Variants in PDZD2 observed in about 807,000 individuals in gnomAD.
PDZD2 encodes the protein PDZ domain-containing protein 2.
A neutral mutation model predicts 220.7 loss-of-function variants in PDZD2; 90 were observed. The observed-to-expected ratio is 0.41, with a 90% CI of 0.34 to 0.49. The LOEUF is 0.49. Among genes scored for constraint, PDZD2 ranks in the 20% least tolerant of loss-of-function variants. The pLI, the probability that PDZD2 is intolerant of heterozygous loss-of-function variation, is 0.28. For missense variants in PDZD2, 3,174 were observed against 3,608.5 expected (o/e 0.88, Z 3.08); for synonymous variants, 1,375 against 1,450.5 (o/e 0.95, Z 1.18).
chr5:31,986,571 A>C (rs1750738109), intron 3 of PDZD2, among the ~76,000 whole-genome samples: 2 of 149,306 alleles, frequency 1.3e-5, no homozygotes, highest in South Asian at 4.4e-4. Flanking sequence ...TTTTATTTTT[A>C]GTCCAGGACA....
At position 32,074,012 on chromosome 5, in the gene PDZD2, A is replaced by G; in HGVS notation, c.2906A>G (p.Asp969Gly). The G allele has an allele frequency of 6.2e-7, 1 of 1,614,172 alleles. No homozygotes were observed. Among genetic ancestry groups the G allele is most frequent in the African/African-American group, 1.3e-5 (1 of 75,050 alleles). Residue 969 changes from aspartate (D) to glycine (G), a missense_variant, in exon 18 of 25, where the codon GAT becomes GGT. Coordinates refer to ENST00000438447, the MANE Select transcript of PDZD2 (RefSeq NM_178140.4). ...QRKVGCYDANDASDEEEFDRE... is the reference protein window; with the variant it reads ...QRKVGCYDANGASDEEEFDRE... ...AAGGTAGGCTGCTACGATGCCAACG[A>G]TGCCAGTGATGAGGAAGAGTTTGAC...
chr5:31,683,207 TAAAA>T (rs35467814), intron 1 of PDZD2, among the ~76,000 whole-genome samples: 12 of 129,036 alleles, frequency 9.3e-5, no homozygotes, highest in Non-Finnish European at 1.4e-4. Context: ...ATCAGAATGT[TAAAA>T]AAAAAAAAAA....
chr5:31,904,595 T>C (rs1742457601), intron 2 of PDZD2, among the ~76,000 whole-genome samples: 1 of 152,186 alleles, frequency 6.6e-6, no homozygotes, highest in Non-Finnish European at 1.5e-5. Flanking sequence ...TGGCACGATC[T>C]CGGCTCACTG....
At chr5:31,765,455 ACTT>A (rs1455208381) in intron 1 of PDZD2, among the ~76,000 whole-genome samples, 3 of 152,030 alleles carry the variant, frequency 2.0e-5, no homozygotes, top group African/African-American at 4.8e-5. Flanking sequence ...AACTTCTAAA[ACTT>A]CTAATGAAGA....
rs540742489 is a variant in PDZD2 at position 31,942,102 on chromosome 5, G to A, written c.477-41053G>A. ...TGATATAGCACTGATTTTTAAAATC[G>A]TTTTTACTCTGTGATTTACTATGAT... On this transcript the variant is annotated intron_variant, in intron 2 of 24. Coordinates refer to ENST00000438447, the MANE Select transcript of PDZD2 (RefSeq NM_178140.4). Among the ~76,000 whole-genome samples the A allele has an allele frequency of 1.8e-4, 27 of 152,266 alleles. No homozygotes were observed. In the South Asian group the frequency reaches 3.5e-3, roughly 20 times the overall value.
chr5:31,647,437 A>T (rs1028808032), intron 1 of PDZD2, among the ~76,000 whole-genome samples: 4 of 152,174 alleles, frequency 2.6e-5, no homozygotes, highest in African/African-American at 9.6e-5. Context: ...CACAGGTCCG[A>T]AGTCTGAAAT....
rs1742664291 is a variant in PDZD2 at position 32,087,898 on chromosome 5, A to T, written c.4450A>T (p.Arg1484Trp). The change falls in exon 20 of 25, where the codon AGG (arginine) becomes TGG (tryptophan). Residue 1484 changes from arginine to tryptophan, a missense_variant. Physicochemically the swap from Arg to Trp is moderately radical, Grantham distance 101 (BLOSUM62 -3). Around this residue, in one of 4 missense-constraint regions of PDZD2, gnomAD observed 1,861 missense variants for 2,001.0 expected, o/e 0.93. Transcript: ENST00000438447. This position sits in a 1 kb window ranked among gnomAD's most constrained non-coding sequence, Gnocchi z 4.0. ...PVPGGQTSSP[R>W]RAWAAGAPAY... ...CCCGGGGGGCCAGACCTCCTCCCCG[A>T]GGAGGGCCTGGGCTGCTGGTGCCCC... The T allele has an allele frequency of 1.2e-6, 2 of 1,613,098 alleles. No individual in the cohort carries two copies. Among genetic ancestry groups the T allele is most frequent in the Non-Finnish European group, 8.5e-7 (1 of 1,179,682 alleles).
chr5:32,066,286 A>G, intron 14 of PDZD2, among the ~76,000 whole-genome samples: 1 of 152,168 alleles, frequency 6.6e-6, no homozygotes, highest in Non-Finnish European at 1.5e-5. Context: ...TAGAGGTTGC[A>G]GTAAGCTAAG....
At chr5:31,832,623 C>G (rs1756679622) in intron 2 of PDZD2, 2 of 152,164 alleles carry the variant, frequency 1.3e-5, no homozygotes, top group African/African-American at 4.8e-5. Context: ...TGAGACCAGT[C>G]TGGCCAACAC....
rs533595735 is a variant in PDZD2 at position 31,955,493 on chromosome 5, G to GT, written c.477-27658dup. Reference sequence around the variant, plus strand: ...TTTTTGTATTTTTAGTAGAGACGGGGTTTTACCATGTTGGCCAGGCTGGTC... The same window carrying GT: ...TTTTTGTATTTTTAGTAGAGACGGGGTTTTTACCATGTTGGCCAGGCTGGTC... On this transcript the variant is annotated intron_variant, in intron 2 of 24. Coordinates refer to ENST00000438447, the MANE Select transcript of PDZD2 (RefSeq NM_178140.4). Among the ~76,000 whole-genome samples, 876 of 151,946 alleles carry GT rather than the reference G, an allele frequency of 5.8e-3. 10 individuals are homozygous for GT. Among genetic ancestry groups the GT allele is most frequent in the African/African-American group, 0.02 (824 of 41,458 alleles).
chr5:31,939,708 C>T (rs924101897), intron 2 of PDZD2, among the ~76,000 whole-genome samples: 1 of 152,198 alleles, frequency 6.6e-6, no homozygotes, highest in African/African-American at 2.4e-5. Flanking sequence ...CAGCCCTTAA[C>T]AAGCCAACTC....
intron 2 of PDZD2, among the ~76,000 whole-genome samples, chr5:31,954,703 C>T (rs573246456): frequency 2.0e-5 from 3 of 152,178 alleles, no homozygotes; most frequent in Admixed American, 6.6e-5. Context: ...CCGAGGCAGG[C>T]GGATCACGAG....
At chr5:31,867,953 T>C (rs1738382015) in intron 2 of PDZD2, among the ~76,000 whole-genome samples, 2 of 152,078 alleles carry the variant, frequency 1.3e-5, no homozygotes, top group South Asian at 4.2e-4. Context: ...GAGTGCCTGC[T>C]ATTTGTCAGG....
At chr5:31,836,948 G>A (rs1561496320) in intron 2 of PDZD2, among the ~76,000 whole-genome samples, 1 of 152,018 alleles carries the variant, frequency 6.6e-6, no homozygotes, top group South Asian at 2.1e-4. Flanking sequence ...AATCCAGGAG[G>A]TGGAGGTTGC....
intron 1 of PDZD2, among the ~76,000 whole-genome samples, chr5:31,701,783 G>T (rs927895373): frequency 6.6e-6 from 1 of 152,140 alleles, no homozygotes; most frequent in African/African-American, 2.4e-5. Flanking sequence ...CCCTAATAAC[G>T]AGAAGATGTG....
At chr5:31,860,217 C>A (rs1440538544) in intron 2 of PDZD2, among the ~76,000 whole-genome samples, 1 of 152,130 alleles carries the variant, frequency 6.6e-6, no homozygotes, top group Non-Finnish European at 1.5e-5. Context: ...TCCAGAGTTG[C>A]CGAGACACAG....
chr5:32,034,275 A>T (rs1171310967), intron 6 of PDZD2, among the ~76,000 whole-genome samples: 2 of 152,076 alleles, frequency 1.3e-5, no homozygotes, highest in Admixed American at 6.5e-5. Flanking sequence ...CAAAGGCGGT[A>T]ATGTCTTACA....
chr5:31,878,026 A>G (rs1307431063), intron 2 of PDZD2, among the ~76,000 whole-genome samples: 2 of 152,128 alleles, frequency 1.3e-5, no homozygotes, highest in African/African-American at 4.8e-5. Flanking sequence ...ACTCTGTATT[A>G]ATTAGGTCTA....
At chr5:31,910,174 G>C (rs1743040807) in intron 2 of PDZD2, among the ~76,000 whole-genome samples, 1 of 149,728 alleles carries the variant, frequency 6.7e-6, no homozygotes, top group Non-Finnish European at 1.5e-5. Flanking sequence ...ATGAAAGGCA[G>C]AGTCAAGATT....
Sources: allele counts gnomAD v4.1 joint callset (sites outside exome capture counted in the v4.1 genomes callset), GRCh38; gene constraint gnomAD v4.1.1; regional missense constraint gnomAD v4.1.1; non-coding constraint Gnocchi (gnomAD v3.1); transcripts MANE v1.5; gene names NCBI Gene and HGNC (gene_info 2026-07-23, HGNC 2026-07-21).